The following PIEZO1 variants were observed in gnomAD, a reference collection of about 807,000 sequenced individuals.
PIEZO1 encodes piezo type mechanosensitive ion channel component 1 (Er blood group).
A neutral mutation model predicts 297.2 loss-of-function variants in PIEZO1; 296 were observed. The ratio of observed to expected loss-of-function variants is 1.00; its 90% CI spans 0.91 to 1.10. The LOEUF is 1.10. PIEZO1 is among the 50% of genes least tolerant of loss of function. The probability of loss-of-function intolerance (pLI) is 0.00; values close to 1 mark genes in which losing one functional copy is unlikely to be tolerated. For missense variants in PIEZO1, 5,018 were observed against 3,455.5 expected (o/e 1.45, Z -11.34); for synonymous variants, 2,427 against 1,507.5 (o/e 1.61, Z -14.13).
chr16:88,731,465 G>A, intron 22 of PIEZO1: 7 of 551,414 alleles, frequency 1.3e-5, no homozygotes, highest in South Asian at 1.2e-4. Context: ...AATATTTCAA[G>A]ATAGAATACT....
At chr16:88,727,836 C>G (rs1260812305) in intron 22 of PIEZO1, 175 bp from the exon 23 acceptor site, 3 of 416,638 alleles carry the variant, frequency 7.2e-6, no homozygotes, top group East Asian at 3.6e-5. Context: ...TTCACACACA[C>G]AGATTCCTTC....
At chr16:88,724,924 A>G (rs1904323102) in intron 30 of PIEZO1, 85 bp downstream of exon 30, 1 of 837,562 alleles carries the variant, frequency 1.2e-6, no homozygotes. Flanking sequence ...GGGGGAAGGG[A>G]GGGGAAGATA....
intron 34 of PIEZO1, 30 bp from the exon 35 acceptor site, chr16:88,722,719 GCGT>G (rs879923724): frequency 7.3e-5 from 112 of 1,532,454 alleles, no homozygotes; most frequent in Admixed American, 9.8e-5. Context: ...GCTCAGGGCT[GCGT>G]CCAGCTCTTG....
chr16:88,734,003 ATGCTCCTGC>A lies in PIEZO1; in HGVS notation c.2223_2231del (p.Gln741_Glu743del), dbSNP rs1905048665. 2 of 1,544,850 alleles carry A rather than the reference ATGCTCCTGC, an allele frequency of 1.3e-6. No individual in the cohort carries two copies. Among genetic ancestry groups the A allele is most frequent in the South Asian group, 1.2e-5 (1 of 83,746 alleles). On this transcript the variant is annotated inframe_deletion, in exon 17 of 51. Coordinates refer to ENST00000301015, the MANE Select transcript of PIEZO1 (RefSeq NM_001142864.4). ...CCTCCTCCTCCTGCTGCTGCTGCTG[ATGCTCCTGC>A]TGCTCCTCCCGCAGCAGTGGGGTCC...
At chr16:88,732,002 G>A in intron 21 of PIEZO1, 92 bp from the exon 22 acceptor site, 1 of 57,244 alleles carries the variant, frequency 1.7e-5, no homozygotes, top group East Asian at 8.6e-4. Context: ...GCTTGCAGCA[G>A]CCCTGCCTGG....
At chr16:88,764,847 C>T (rs774669972) in intron 1 of PIEZO1, among the ~76,000 whole-genome samples, 43 of 152,188 alleles carry the variant, frequency 2.8e-4, no homozygotes, top group Non-Finnish European at 1.6e-4. Context: ...ACGAGGACTC[C>T]GCCCTCGGCA....
At chr16:88,753,351 C>T (rs192999842) in intron 1 of PIEZO1, among the ~76,000 whole-genome samples, 17 of 145,640 alleles carry the variant, frequency 1.2e-4, no homozygotes, top group African/African-American at 4.1e-4. Context: ...CCAGAGCACA[C>T]CCACTCACCC....
chr16:88,755,188 G>T (rs1906592145), intron 1 of PIEZO1, among the ~76,000 whole-genome samples: 1 of 152,196 alleles, frequency 6.6e-6, no homozygotes, highest in African/African-American at 2.4e-5. Context: ...AGCAAGCCTG[G>T]GATGCGGCGA....
At position 88,734,539 on chromosome 16, in the gene PIEZO1, C is replaced by T; in HGVS notation, c.1998-1G>A. 6.5e-7 allele frequency: 1 copy of T among 1,542,608 alleles called. No homozygotes were observed. The highest frequency in any genetic ancestry group is 8.8e-7 in the Non-Finnish European group (1 of 1,142,230). The stretch of plus-strand genomic sequence containing the variant: ...CTGCTCCAGGCCCAGGTCCCCCAGC[C>T]TGTGGAGGGGCAGCATCAGCACCGG... On this transcript the variant is annotated splice_acceptor_variant, in intron 15 of 50. Transcript: ENST00000301015. LOFTEE classifies it high-confidence loss of function.
At chr16:88,763,943 G>A (rs368398332) in intron 1 of PIEZO1, among the ~76,000 whole-genome samples, 65 of 152,298 alleles carry the variant, frequency 4.3e-4, no homozygotes, top group African/African-American at 1.1e-3. Flanking sequence ...ACACAGGGTC[G>A]GCACGCAGGG....
chr16:88,733,513 G>C, intron 18 of PIEZO1, 59 bp from the exon 19 acceptor site: 1 of 1,531,642 alleles, frequency 6.5e-7, no homozygotes, highest in Non-Finnish European at 8.8e-7. Flanking sequence ...CGTGGGGCTG[G>C]GCTTGGGGAG....
chr16:88,749,015 A>G (rs1031239718), intron 2 of PIEZO1, among the ~76,000 whole-genome samples: 27 of 148,746 alleles, frequency 1.8e-4, no homozygotes, highest in African/African-American at 5.7e-4. Flanking sequence ...AGGCGGGCGG[A>G]TCACAAGGTC....
rs60202339 is a variant in PIEZO1 at position 88,747,231 on chromosome 16, G to GGAA, written c.160+2152_160+2153insTTC. Among the ~76,000 whole-genome samples the GGAA allele has an allele frequency of 7.4e-3, 904 of 121,604 alleles. 11 individuals are homozygous for GGAA. The highest frequency in any genetic ancestry group is 0.026 in the African/African-American group (853 of 32,902). The allele number at this position is 121,604 out of a possible 152,430, so 79.8% of individuals were successfully genotyped here. The stretch of plus-strand genomic sequence containing the variant: ...GGGCAACCAAGCAAGACCCCCACTC[G>GGAA]AAAAAAAAAAAAAAAGCCAAGCACG... On this transcript the variant is annotated intron_variant, in intron 2 of 50. Transcript: ENST00000301015.
intron 1 of PIEZO1, among the ~76,000 whole-genome samples, chr16:88,768,383 G>A (rs1907270602): frequency 6.6e-6 from 1 of 152,216 alleles, no homozygotes; most frequent in Non-Finnish European, 1.5e-5. Context: ...AGAGTGGATT[G>A]TTCCCTGTGG....
At chr16:88,743,552 C>G (rs768958949) in intron 2 of PIEZO1, 1 of 456,674 alleles carries the variant, frequency 2.2e-6, no homozygotes, top group South Asian at 1.5e-5. Context: ...CTCTCTCGGC[C>G]TCGGGGCGCA....
chr16:88,716,088 G>C lies in PIEZO1; in HGVS notation c.7161C>G (p.Ile2387Met), dbSNP rs983607344. 3 of 1,549,022 alleles carry C rather than the reference G, an allele frequency of 1.9e-6. No individual in the cohort carries two copies. Among genetic ancestry groups the C allele is most frequent in the Admixed American group, 2.0e-5 (1 of 50,862 alleles). Residue 2387 changes from isoleucine (I) to methionine (M), a missense_variant, in exon 50 of 51, where the codon ATC becomes ATG. Physicochemically the swap from Ile to Met is conservative, Grantham distance 10 (BLOSUM62 1). Transcript: ENST00000301015. ...NEEADYLGVR[I>M]QLRREQGAGA... ...CCGCACCCTGCTCCCTCCGCAGCTG[G>C]ATACGCACGCCGAGGTAGTCGGCCT...
chr16:88,749,218 C>T (rs561335860), intron 2 of PIEZO1, among the ~76,000 whole-genome samples, 166 bp downstream of exon 2: 19 of 150,552 alleles, frequency 1.3e-4, no homozygotes, highest in Admixed American at 3.3e-4. Flanking sequence ...CCAGCCTGGG[C>T]GACTGAGCGA....
At chr16:88,730,624 T>C (rs1264485793) in intron 22 of PIEZO1, among the ~76,000 whole-genome samples, 1 of 139,308 alleles carries the variant, frequency 7.2e-6, no homozygotes, top group East Asian at 2.1e-4. Flanking sequence ...AAAAAAAGGG[T>C]TCTTGCTATG....
chr16:88,760,208 C>T lies in PIEZO1; in HGVS notation c.65-10729G>A, dbSNP rs1906866887. On this transcript the variant is annotated intron_variant, in intron 1 of 50. Transcript: ENST00000301015. ...CCGGCCGTGGCTACAGACGGCTGAG[C>T]CACGGGCTCCGCTCCCCCGGGGCGC... Among the ~76,000 whole-genome samples the T allele has an allele frequency of 2.0e-5, 3 of 152,160 alleles. No homozygotes were observed. In the South Asian group the frequency reaches 6.2e-4, roughly 32 times the overall value.
Sources: allele counts gnomAD v4.1 joint callset (sites outside exome capture counted in the v4.1 genomes callset), GRCh38; gene constraint gnomAD v4.1.1; transcripts MANE v1.5; gene names NCBI Gene and HGNC (gene_info 2026-07-23, HGNC 2026-07-21).